Variants in LARGE1 observed in about 807,000 individuals in gnomAD.
LARGE1 encodes the protein xylosyl- and glucuronyltransferase LARGE1.
LARGE1 carries 43 observed loss-of-function variants against 87.6 expected under a neutral mutation model. The ratio of observed to expected loss-of-function variants is 0.49; its 90% CI spans 0.38 to 0.63. LARGE1 has a LOEUF of 0.63. LARGE1 is among the 30% of genes least tolerant of loss of function. The pLI is 0.00. For synonymous variants in LARGE1, 434 were observed against 394.6 expected (o/e 1.10, Z -1.18); for missense variants, 802 against 1,000.2 (o/e 0.80, Z 2.67).
chr22:33,562,750 T>C (rs944025408), intron 6 of LARGE1, among the ~76,000 whole-genome samples: 4 of 152,226 alleles, frequency 2.6e-5, no homozygotes, highest in African/African-American at 9.6e-5. Context: ...ACTATAGCCA[T>C]TGCAAGCTGC....
intron 6 of LARGE1, among the ~76,000 whole-genome samples, chr22:33,543,680 AT>A (rs2077275127): frequency 6.6e-6 from 1 of 152,178 alleles, no homozygotes; most frequent in South Asian, 2.1e-4. Flanking sequence ...AAAAAGAGAA[AT>A]TTTGCTTCAG....
chr22:33,131,692 C>A, the LARGE1 span, among the ~76,000 whole-genome samples: 2 of 152,162 alleles, frequency 1.3e-5, no homozygotes, highest in Non-Finnish European at 2.9e-5. Context: ...AAAGACCCAC[C>A]CCCAAGATTC....
At chr22:33,616,712 C>A (rs377677943) in intron 4 of LARGE1, among the ~76,000 whole-genome samples, 1 of 152,024 alleles carries the variant, frequency 6.6e-6, no homozygotes, top group East Asian at 1.9e-4. Flanking sequence ...AAAAGCCAGT[C>A]CAAAAGACTA....
At position 33,380,529 on chromosome 22, in the gene LARGE1, C is replaced by T. The variant is rs552133006; in HGVS notation, c.1131+1390G>A. ...ATGAAAATTTGAAAACAACTAAGGT[C>T]AAGGGAGTGGCTAGGTAACAGACTA... On this transcript the variant is annotated intron_variant, in intron 9 of 14. Coordinates refer to ENST00000397394, the MANE Select transcript of LARGE1 (RefSeq NM_133642.5). Among the ~76,000 whole-genome samples the T allele has an allele frequency of 4.9e-4, 74 of 152,168 alleles. 1 individual carries two copies. Among genetic ancestry groups the T allele is most frequent in the African/African-American group, 1.8e-3 (74 of 41,514 alleles).
intron 6 of LARGE1, among the ~76,000 whole-genome samples, chr22:33,501,614 T>C (rs1462420618): frequency 6.6e-6 from 1 of 152,230 alleles, no homozygotes; most frequent in Non-Finnish European, 1.5e-5. Context: ...AAGTCGTTCT[T>C]AATCTCAACC....
At chr22:33,134,345 G>A in the LARGE1 span, among the ~76,000 whole-genome samples, 2 of 145,138 alleles carry the variant, frequency 1.4e-5, no homozygotes, top group Non-Finnish European at 3.0e-5. Context: ...TGCAAGCTCC[G>A]CCTCCCGGGT....
At chr22:33,670,088 AC>A (rs2081366971) in intron 2 of LARGE1, among the ~76,000 whole-genome samples, 1 of 152,082 alleles carries the variant, frequency 6.6e-6, no homozygotes, top group South Asian at 2.1e-4. Context: ...GTACTTGTCA[AC>A]CTGTTTGTTT....
chr22:33,521,723 C>T (rs931280449), intron 6 of LARGE1, among the ~76,000 whole-genome samples: 1 of 152,190 alleles, frequency 6.6e-6, no homozygotes, highest in East Asian at 1.9e-4. Context: ...TTTCTACTCA[C>T]ATTCTAATGC....
At chr22:33,596,701 T>TAGAAA (rs60802876) in intron 5 of LARGE1, among the ~76,000 whole-genome samples, 12,902 of 152,142 alleles carry the variant, frequency 0.085, 667 homozygotes, top group African/African-American at 0.14. Flanking sequence ...ATGGTGGGCT[T>TAGAAA]AGAAAAGATT....
At chr22:33,634,811 A>T (rs1333927413) in intron 3 of LARGE1, among the ~76,000 whole-genome samples, 1 of 151,510 alleles carries the variant, frequency 6.6e-6, no homozygotes, top group Non-Finnish European at 1.5e-5. Context: ...ATGGTCCAAG[A>T]AGGATGTGTG....
chr22:33,224,894 A>C (rs1925654818), intron 11 of LARGE1, among the ~76,000 whole-genome samples: 1 of 152,230 alleles, frequency 6.6e-6, no homozygotes, highest in Admixed American at 6.5e-5. Flanking sequence ...ATTCAAAGTC[A>C]TTTGTTTGGA....
In LARGE1 at chr22:33,190,929, C is replaced by T. The variant is rs116584373; in HGVS notation, c.1731-24097G>A. On this transcript the variant is annotated intron_variant, in intron 11 of 11. Transcript: ENST00000608642. ...TTTGCCTTTCCCATATTCGGTAAAACTCTCTCCTCTGCACCCTGGTAATAG... is the reference window on the plus strand; with the variant it reads ...TTTGCCTTTCCCATATTCGGTAAAATTCTCTCCTCTGCACCCTGGTAATAG... 4.1e-3 allele frequency among the ~76,000 whole-genome samples: 631 copies of T among 152,316 alleles called. 4 individuals carry two copies. Among genetic ancestry groups the T allele is most frequent in the African/African-American group, 0.014 (596 of 41,578 alleles).
chr22:33,667,940 TA>T (rs1022032087), intron 2 of LARGE1, among the ~76,000 whole-genome samples: 9 of 152,214 alleles, frequency 5.9e-5, no homozygotes, highest in Non-Finnish European at 1.0e-4. Flanking sequence ...GGGGTAAACT[TA>T]AAAGATATGT....
intron 7 of LARGE1, among the ~76,000 whole-genome samples, chr22:33,391,271 G>C (rs1000487373): frequency 6.6e-6 from 1 of 152,060 alleles, no homozygotes; most frequent in Admixed American, 6.6e-5. Flanking sequence ...CTGGGGACTT[G>C]GAAGTTTTTA....
intron 1 of LARGE1, among the ~76,000 whole-genome samples, chr22:33,817,477 A>T (rs2086689683): frequency 6.6e-6 from 1 of 152,112 alleles, no homozygotes; most frequent in Non-Finnish European, 1.5e-5. Flanking sequence ...CCCGTGGGGC[A>T]GACCCCACAA....
chr22:33,550,819 A>T (rs908352185), intron 6 of LARGE1, among the ~76,000 whole-genome samples: 4 of 152,232 alleles, frequency 2.6e-5, no homozygotes, highest in African/African-American at 7.2e-5. Context: ...GATAATGCAA[A>T]TGTGGTATAC....
intron 11 of LARGE1, among the ~76,000 whole-genome samples, chr22:33,306,095 C>T (rs1215837962): frequency 6.6e-6 from 1 of 152,150 alleles, no homozygotes; most frequent in Non-Finnish European, 1.5e-5. Flanking sequence ...CCGCCCACCT[C>T]GGCCTCCCAA....
intron 6 of LARGE1, among the ~76,000 whole-genome samples, chr22:33,529,843 G>A (rs895486789): frequency 7.9e-5 from 12 of 152,262 alleles, no homozygotes; most frequent in African/African-American, 2.6e-4. Flanking sequence ...CTTCATGAGG[G>A]ATTCTCACTG....
At chr22:33,208,741 G>A (rs1417221858) in intron 11 of LARGE1, among the ~76,000 whole-genome samples, 1 of 152,062 alleles carries the variant, frequency 6.6e-6, no homozygotes, top group African/African-American at 2.4e-5. Context: ...CACCAGACAG[G>A]CCATGGTATG....
Sources: gnomAD v4.1 joint callset for allele counts (sites outside exome capture counted in the v4.1 genomes callset) on GRCh38, gnomAD v4.1.1 for gene constraint, MANE v1.5 for transcripts, NCBI Gene and HGNC (gene_info 2026-07-23, HGNC 2026-07-21) for gene names.